TCP11X1: variants seen among roughly 807,000 people sequenced by gnomAD.
The protein encoded by TCP11X1 is T-complex protein 11-like X-linked protein 1.
For missense variants in TCP11X1, 2 were observed against 15.4 expected (o/e 0.13, Z 1.45); for synonymous variants, 2 against 6.3 (o/e 0.32, Z 1.02).
intron 2 of TCP11X1, among the ~76,000 whole-genome samples, chrX:102,220,695 A>ATAT (rs1403296641): frequency 3.5e-3 from 58 of 16,394 alleles, no homozygotes; most frequent in African/African-American, 5.3e-3. Context: ...ATATATATAT[A>ATAT]TTTTTTTTTT....
intron 2 of TCP11X1, among the ~76,000 whole-genome samples, chrX:102,220,697 T>TATATA (rs1933723162): frequency 8.3e-4 from 9 of 10,882 alleles, no homozygotes; most frequent in Admixed American, 1.4e-3. Context: ...ATATATATAT[T>TATATA]TTTTTTTTTT....
At chrX:102,220,670 C>CATATATATATATATATATATATAT (rs1176238420) in intron 2 of TCP11X1, among the ~76,000 whole-genome samples, 3 of 30,304 alleles carry the variant, frequency 9.9e-5, no homozygotes, top group Non-Finnish European at 1.5e-4. Flanking sequence ...TGTGTATATA[C>CATATATATATATATATATATATAT]ATATATATAT....
intron 2 of TCP11X1, among the ~76,000 whole-genome samples, chrX:102,220,695 A>ATTTTTTTTTTTT (rs1179399956): frequency 3.0e-4 from 5 of 16,398 alleles, no homozygotes; most frequent in Non-Finnish European, 3.6e-4. Context: ...ATATATATAT[A>ATTTTTTTTTTTT]TTTTTTTTTT....
rs1403296641 is a variant in TCP11X1 at position 102,220,695 on chromosome X, A to ATATATT, written c.231-845_231-844insATATTT. 8.1e-3 allele frequency among the ~76,000 whole-genome samples: 133 copies of ATATATT among 16,417 alleles called. 1 individual carries two copies. The highest frequency in any genetic ancestry group is 8.6e-3 in the Non-Finnish European group (96 of 11,118). The allele number at this position is 16,417 out of a possible 115,157, so 14.3% of individuals were successfully genotyped here. ...CATATATATATATATATATATATATATTTTTTTTTTTTTTTTTTTTGAGAC... is the reference window on the plus strand; with the variant it reads ...CATATATATATATATATATATATATATATATTTTTTTTTTTTTTTTTTTTTTGAGAC... On this transcript the variant is annotated intron_variant, in intron 2 of 8. Transcript: ENST00000622971.
intron 2 of TCP11X1, among the ~76,000 whole-genome samples, chrX:102,220,695 A>ATATATATATATTT (rs1403296641): frequency 3.7e-4 from 6 of 16,409 alleles, no homozygotes; most frequent in African/African-American, 6.3e-4. Flanking sequence ...ATATATATAT[A>ATATATATATATTT]TTTTTTTTTT....
intron 2 of TCP11X1, among the ~76,000 whole-genome samples, chrX:102,220,695 A>ATTTTTTTTTTTTT (rs1179399956): frequency 3.0e-4 from 5 of 16,398 alleles, no homozygotes; most frequent in Non-Finnish European, 3.6e-4. Flanking sequence ...ATATATATAT[A>ATTTTTTTTTTTTT]TTTTTTTTTT....
At chrX:102,220,670 C>CATATATATATATATATATAT (rs1176238420) in intron 2 of TCP11X1, among the ~76,000 whole-genome samples, 49 of 30,283 alleles carry the variant, frequency 1.6e-3, no homozygotes, top group South Asian at 5.8e-3. Context: ...TGTGTATATA[C>CATATATATATATATATATAT]ATATATATAT....
At chrX:102,220,695 A>ATATATATATATATATTTTT (rs1403296641) in intron 2 of TCP11X1, among the ~76,000 whole-genome samples, 1 of 16,405 alleles carries the variant, frequency 6.1e-5, no homozygotes, top group Non-Finnish European at 9.0e-5. Context: ...ATATATATAT[A>ATATATATATATATATTTTT]TTTTTTTTTT....
chrX:102,220,695 A>ATATTT lies in TCP11X1; in HGVS notation c.231-845_231-844insATTTT, dbSNP rs1403296641. 4.8e-3 allele frequency among the ~76,000 whole-genome samples: 78 copies of ATATTT among 16,395 alleles called. 1 individual carries two copies. Among genetic ancestry groups the ATATTT allele is most frequent in the Non-Finnish European group, 4.9e-3 (54 of 11,092 alleles). The allele number at this position is 16,395 out of a possible 115,157, so 14.2% of individuals were successfully genotyped here. On this transcript the variant is annotated intron_variant, in intron 2 of 8. Transcript: ENST00000622971. The stretch of plus-strand genomic sequence containing the variant: ...CATATATATATATATATATATATAT[A>ATATTT]TTTTTTTTTTTTTTTTTTTTGAGAC...
intron 2 of TCP11X1, among the ~76,000 whole-genome samples, chrX:102,220,695 A>ATTT (rs1179399956): frequency 1.1e-3 from 18 of 16,389 alleles, no homozygotes; most frequent in Non-Finnish European, 1.4e-3. Context: ...ATATATATAT[A>ATTT]TTTTTTTTTT....
chrX:102,220,670 C>CATATATATATATATATAT (rs1176238420), intron 2 of TCP11X1, among the ~76,000 whole-genome samples: 52 of 30,288 alleles, frequency 1.7e-3, no homozygotes, highest in South Asian at 0.012. Context: ...TGTGTATATA[C>CATATATATATATATATAT]ATATATATAT....
intron 2 of TCP11X1, among the ~76,000 whole-genome samples, chrX:102,220,668 T>TAC (rs1933718872): frequency 9.3e-5 from 4 of 42,901 alleles, no homozygotes; most frequent in Non-Finnish European, 1.2e-4. Flanking sequence ...TGTGTGTATA[T>TAC]ACATATATAT....
chrX:102,220,695 A>ATATATATATATATTT (rs1403296641), intron 2 of TCP11X1, among the ~76,000 whole-genome samples: 4 of 16,397 alleles, frequency 2.4e-4, no homozygotes, highest in African/African-American at 3.1e-4. Flanking sequence ...ATATATATAT[A>ATATATATATATATTT]TTTTTTTTTT....
chrX:102,220,651 ATGTG>A (rs1266501777), intron 2 of TCP11X1, among the ~76,000 whole-genome samples: 2 of 59,057 alleles, frequency 3.4e-5, no homozygotes, highest in Non-Finnish European at 5.8e-5. Context: ...GTGTGTATAT[ATGTG>A]TGTGTGTGTA....
rs1444634066 is a variant in TCP11X1, at chrX:102,224,106, G to A, written c.953G>A (p.Arg318Gln). 8 of 191,841 alleles carry A rather than the reference G, an allele frequency of 4.2e-5. 2 individuals are homozygous for A. In the East Asian group the frequency reaches 1.4e-3, roughly 35 times the overall value. 15.8% of individuals were successfully genotyped at this position (191,841 alleles called of 1,213,427 possible). A position where few individuals can be genotyped will look rare whatever the true frequency, so the allele number is the denominator to read the frequency against. ...CAGACTCTGCTGATGGACAGAATCC[G>A]GCTCCAGGAACTGGCATTCCAGTTG... The change falls in exon 7 of 9, where the codon CGG becomes CAG. Residue 318 changes from arginine (R) to glutamine (Q), a missense_variant. Arg to Gln is a conservative substitution (Grantham distance 43). Transcript: ENST00000622971.
intron 2 of TCP11X1, among the ~76,000 whole-genome samples, chrX:102,220,670 C>CATATATATATATATAT (rs1176238420): frequency 5.0e-3 from 151 of 30,174 alleles, no homozygotes; most frequent in Non-Finnish European, 6.4e-3. Context: ...TGTGTATATA[C>CATATATATATATATAT]ATATATATAT....
intron 2 of TCP11X1, among the ~76,000 whole-genome samples, chrX:102,220,262 T>G (rs1933715927): frequency 2.2e-3 from 1 of 462 alleles, no homozygotes; most frequent in Admixed American, 0.024. Context: ...CAGATTTGTA[T>G]CTTAGAAAAC....
At chrX:102,220,559 C>T in intron 2 of TCP11X1, among the ~76,000 whole-genome samples, 1 of 24,530 alleles carries the variant, frequency 4.1e-5, no homozygotes, top group Non-Finnish European at 6.1e-5. Context: ...ATTTTTGTTT[C>T]ATATATTTTT....
chrX:102,220,697 T>TATA (rs1933723162), intron 2 of TCP11X1, among the ~76,000 whole-genome samples: 5 of 10,898 alleles, frequency 4.6e-4, no homozygotes, highest in Non-Finnish European at 6.3e-4. Context: ...ATATATATAT[T>TATA]TTTTTTTTTT....
Sources: allele counts gnomAD v4.1 joint callset (sites outside exome capture counted in the v4.1 genomes callset), GRCh38; gene constraint gnomAD v4.1.1; transcripts MANE v1.5; gene names NCBI Gene and HGNC (gene_info 2026-07-23, HGNC 2026-07-21).